MAGI2: variants seen among roughly 807,000 people sequenced by gnomAD.
The protein encoded by MAGI2 is membrane associated guanylate kinase, WW and PDZ domain containing 2.
A neutral mutation model predicts 133.3 loss-of-function variants in MAGI2; 35 were observed. The ratio of observed to expected loss-of-function variants is 0.26; its 90% CI spans 0.20 to 0.35. MAGI2 has a LOEUF of 0.35. MAGI2 is among the 10% of genes least tolerant of loss of function. MAGI2 has a pLI of 1.00. For missense variants in MAGI2, 1,636 were observed against 1,863.4 expected, an observed-to-expected ratio of 0.88 and a Z score of 2.25; for synonymous variants, 729 against 710.6, an observed-to-expected ratio of 1.03 and a Z score of -0.41.
chr7:78,566,418 T>G (rs939292463), intron 3 of MAGI2, among the ~76,000 whole-genome samples: 2 of 150,998 alleles, frequency 1.3e-5, no homozygotes. Flanking sequence ...GCTTGAAAAA[T>G]ATGCCAACAA....
intron 2 of MAGI2, among the ~76,000 whole-genome samples, chr7:78,733,393 T>A (rs1821552022): frequency 6.6e-6 from 1 of 152,018 alleles, no homozygotes; most frequent in Non-Finnish European, 1.5e-5. Context: ...ATAATGCATG[T>A]GAACAAGAGA....
At chr7:78,079,108 G>A (rs1395278167) in intron 20 of MAGI2, 23 bp from the exon 21 acceptor site, 3 of 1,610,484 alleles carry the variant, frequency 1.9e-6, no homozygotes, top group Non-Finnish European at 1.7e-6. Context: ...GAAAAATTAA[G>A]TCAGCCAAAG....
At chr7:79,452,399 G>T (rs1383144410) in intron 1 of MAGI2, among the ~76,000 whole-genome samples, 1 of 152,124 alleles carries the variant, frequency 6.6e-6, no homozygotes, top group Non-Finnish European at 1.5e-5. Flanking sequence ...CGGGGGAGGG[G>T]GACACGGAGT....
chr7:78,168,060 G>A lies in MAGI2; in HGVS notation c.2452C>T (p.Arg818Cys), dbSNP rs376193535. The A allele has an allele frequency of 5.0e-6, 8 of 1,613,942 alleles. No homozygotes were observed. The highest frequency in any genetic ancestry group is 1.7e-5 in the Admixed American group (1 of 59,992). ...ACAAGCTCATCTCCTGGGTGAAGGC[G>A]GCCATCTCTGTCGGCTGAGCCCATG... ...IAMGSADRDGRLHPGDELVYV... is the reference protein window; with the variant it reads ...IAMGSADRDGCLHPGDELVYV... The change falls in exon 15 of 22, where the codon CGC becomes TGC. Residue 818 changes from arginine (R) to cysteine (C), a missense_variant. Arg to Cys is a radical substitution (Grantham distance 180). Transcript: ENST00000354212.
At chr7:78,759,161 T>A (rs1361440061) in intron 2 of MAGI2, among the ~76,000 whole-genome samples, 1 of 151,994 alleles carries the variant, frequency 6.6e-6, no homozygotes, top group Non-Finnish European at 1.5e-5. Flanking sequence ...TTAATGTCAA[T>A]AAAATAACAA....
At chr7:79,232,526 G>T (rs1285753993) in intron 1 of MAGI2, among the ~76,000 whole-genome samples, 1 of 132,968 alleles carries the variant, frequency 7.5e-6, no homozygotes, top group African/African-American at 2.9e-5. Context: ...TCTTGGGAGA[G>T]TGTATGTGTC....
At chr7:78,278,719 T>C (rs537210547) in intron 9 of MAGI2, among the ~76,000 whole-genome samples, 1 of 152,148 alleles carries the variant, frequency 6.6e-6, no homozygotes, top group Non-Finnish European at 1.5e-5. Context: ...AAGAATAAAA[T>C]TGAGGTTTCC....
chr7:79,058,536 A>T (rs1264077477), intron 1 of MAGI2, among the ~76,000 whole-genome samples: 1 of 152,148 alleles, frequency 6.6e-6, no homozygotes, highest in African/African-American at 2.4e-5. Context: ...CCTCATGCCC[A>T]CACGTAGTTT....
At chr7:78,364,930 T>C (rs961498938) in intron 7 of MAGI2, among the ~76,000 whole-genome samples, 2 of 152,220 alleles carry the variant, frequency 1.3e-5, no homozygotes, top group African/African-American at 4.8e-5. Context: ...GGATTTGGTG[T>C]CTGTCAGGAA....
chr7:79,199,420 G>A (rs1307601037), intron 1 of MAGI2, among the ~76,000 whole-genome samples: 1 of 151,946 alleles, frequency 6.6e-6, no homozygotes, highest in African/African-American at 2.4e-5. Flanking sequence ...AATTCTTCAT[G>A]ACTCTCTGAA....
chr7:78,909,199 A>C (rs1798205364), intron 2 of MAGI2, among the ~76,000 whole-genome samples: 1 of 151,982 alleles, frequency 6.6e-6, no homozygotes, highest in South Asian at 2.1e-4. Flanking sequence ...TGCGGCCAAC[A>C]AACATATAAA....
intron 1 of MAGI2, among the ~76,000 whole-genome samples, chr7:79,270,823 C>A (rs978332125): frequency 1.2e-4 from 19 of 152,080 alleles, no homozygotes; most frequent in Non-Finnish European, 2.2e-4. Flanking sequence ...ATATTCTACC[C>A]TGTGGTTTTT....
At chr7:78,302,430 G>A (rs954055462) in intron 9 of MAGI2, among the ~76,000 whole-genome samples, 1 of 152,172 alleles carries the variant, frequency 6.6e-6, no homozygotes, top group Non-Finnish European at 1.5e-5. Context: ...AATCTGGTGG[G>A]CAGGTGACCT....
At chr7:78,501,273 T>G (rs1794595718) in intron 5 of MAGI2, among the ~76,000 whole-genome samples, 1 of 152,166 alleles carries the variant, frequency 6.6e-6, no homozygotes, top group Non-Finnish European at 1.5e-5. Flanking sequence ...AGTAAGCACT[T>G]TCTCATGATA....
In MAGI2 at chr7:78,302,763, A is replaced by C. The variant is rs117752145; in HGVS notation, c.1408+41015T>G. Among the ~76,000 whole-genome samples, 600 of 152,214 alleles carry C rather than the reference A, an allele frequency of 3.9e-3. 8 individuals are homozygous for C. Among genetic ancestry groups the C allele is most frequent in the Non-Finnish European group, 5.2e-3 (353 of 68,010 alleles). ...AATTTTATCATCTCTAAAACTCTTAATTCCTACTCCCCCATTCCCCACCAA... is the reference window on the plus strand; with the variant it reads ...AATTTTATCATCTCTAAAACTCTTACTTCCTACTCCCCCATTCCCCACCAA... On this transcript the variant is annotated intron_variant, in intron 9 of 21. Transcript: ENST00000354212.
intron 1 of MAGI2, among the ~76,000 whole-genome samples, chr7:79,312,659 T>C (rs1271228663): frequency 2.0e-5 from 3 of 152,188 alleles, no homozygotes; most frequent in Non-Finnish European, 1.5e-5. Flanking sequence ...AGTACCTAAA[T>C]TTTTGTCTCA....
At chr7:78,932,284 C>G (rs1169322709) in intron 2 of MAGI2, among the ~76,000 whole-genome samples, 1 of 151,934 alleles carries the variant, frequency 6.6e-6, no homozygotes. Flanking sequence ...GTCAAAAAGG[C>G]CTGCAGATAC....
At chr7:78,244,794 T>C (rs1791581596) in intron 10 of MAGI2, among the ~76,000 whole-genome samples, 1 of 151,670 alleles carries the variant, frequency 6.6e-6, no homozygotes, top group South Asian at 2.1e-4. Flanking sequence ...TAGTGATAAG[T>C]CAAAGGAGAA....
At chr7:79,081,051 C>A (rs1422045260) in intron 1 of MAGI2, among the ~76,000 whole-genome samples, 2 of 152,078 alleles carry the variant, frequency 1.3e-5, no homozygotes, top group African/African-American at 4.8e-5. Context: ...CTAAACCCGG[C>A]CGCACAGATA....
Sources: allele counts gnomAD v4.1 joint callset (sites outside exome capture counted in the v4.1 genomes callset), GRCh38; gene constraint gnomAD v4.1.1; transcripts MANE v1.5; gene names NCBI Gene and HGNC (gene_info 2026-07-23, HGNC 2026-07-21).